Variants in CPSF2 observed in about 807,000 individuals in gnomAD.
The protein encoded by CPSF2 is cleavage and polyadenylation specificity factor subunit 2.
In CPSF2, 51 loss-of-function variants were observed where a neutral mutation model predicts 84.2. That is an observed-to-expected ratio of 0.61 (90% confidence interval 0.48 to 0.77). CPSF2 has a LOEUF of 0.77. Among genes scored for constraint, CPSF2 ranks in the 30% least tolerant of loss-of-function variants. The pLI is 0.00. For missense variants in CPSF2, 641 were observed against 929.4 expected (o/e 0.69, Z 4.03); for synonymous variants, 286 against 311.9 (o/e 0.92, Z 0.87).
At chr14:92,125,529 T>C (rs1220040223) in intron 1 of CPSF2, among the ~76,000 whole-genome samples, 2 of 152,080 alleles carry the variant, frequency 1.3e-5, no homozygotes, top group Non-Finnish European at 2.9e-5. Flanking sequence ...CACCAGCTAA[T>C]ATCCCCAAAA....
At chr14:92,141,368 G>T (rs1229531162) in intron 7 of CPSF2, among the ~76,000 whole-genome samples, 1 of 152,160 alleles carries the variant, frequency 6.6e-6, no homozygotes, top group Non-Finnish European at 1.5e-5. Context: ...GTCTTTCTCT[G>T]TTGTACATGC....
At chr14:92,135,003 C>T (rs558250963) in intron 5 of CPSF2, among the ~76,000 whole-genome samples, 4 of 152,176 alleles carry the variant, frequency 2.6e-5, no homozygotes, top group South Asian at 2.1e-4. Flanking sequence ...TTAGTTTAGA[C>T]GTTAGCAAAA....
chr14:92,132,051 C>T (rs909339553), intron 3 of CPSF2, among the ~76,000 whole-genome samples: 4 of 151,988 alleles, frequency 2.6e-5, no homozygotes, highest in Non-Finnish European at 5.9e-5. Flanking sequence ...GGTTACTATG[C>T]GAAAAAGCTG....
rs2068777016 is a variant in CPSF2, at chr14:92,122,127, AGGCAAGTGAGGGC to A, written c.-94+2_-94+14del. The A allele has an allele frequency of 5.2e-6, 2 of 383,894 alleles. No homozygotes were observed. Among genetic ancestry groups the A allele is most frequent in the South Asian group, 4.6e-5 (2 of 43,880 alleles). 23.8% of individuals were successfully genotyped at this position (383,894 alleles called of 1,614,324 possible). On this transcript the variant is annotated splice_donor_variant and splice_donor_5th_base_variant and 5_prime_UTR_variant and intron_variant, in exon 1 of 16. Transcript: ENST00000298875. LOFTEE classifies it low-confidence loss of function (5UTR_SPLICE). ...GGACGGCGTTGGGGGAGGCCTGACG[AGGCAAGTGAGGGC>A]GGGAGAAAGGAGCGAGCCTCGGGCT...
chr14:92,138,755 C>T (rs761376113), intron 7 of CPSF2, among the ~76,000 whole-genome samples: 5 of 152,054 alleles, frequency 3.3e-5, no homozygotes, highest in African/African-American at 7.2e-5. Flanking sequence ...TTAATGCATA[C>T]GTTGCACAGT....
chr14:92,156,872 A>G (rs1341759761), intron 12 of CPSF2, among the ~76,000 whole-genome samples: 5 of 152,174 alleles, frequency 3.3e-5, no homozygotes, highest in Admixed American at 3.3e-4. Context: ...CTTAAATTGT[A>G]ACATTAAATT....
intron 14 of CPSF2, among the ~76,000 whole-genome samples, chr14:92,159,545 G>A (rs566015768): frequency 1.3e-5 from 2 of 152,236 alleles, no homozygotes; most frequent in Admixed American, 6.5e-5. Context: ...CAGAAACCTA[G>A]TCGGCATGGT....
At chr14:92,131,511 A>G (rs1011781848) in intron 3 of CPSF2, among the ~76,000 whole-genome samples, 2 of 152,166 alleles carry the variant, frequency 1.3e-5, no homozygotes, top group Non-Finnish European at 2.9e-5. Context: ...GCTGGTTCTC[A>G]GAATGACCAT....
In CPSF2 at chr14:92,159,176, T is replaced by TTA. The variant is rs1483769438; in HGVS notation, c.2018_2019dup (p.Ala674Ter). ...GTGGAAGCTCCCTCAGATTCTAGCG[T>TTA]TATAGCACAACAAAAGGCCATGAAA... On this transcript the variant is annotated frameshift_variant, in exon 14 of 16. Transcript: ENST00000298875. LOFTEE classifies it high-confidence loss of function. The TTA allele has an allele frequency of 6.2e-7, 1 of 1,614,012 alleles. No individual in the cohort carries two copies. Among genetic ancestry groups the TTA allele is most frequent in the Non-Finnish European group, 8.5e-7 (1 of 1,179,962 alleles).
chr14:92,129,371 G>A (rs1043356829), intron 2 of CPSF2, among the ~76,000 whole-genome samples: 3 of 152,138 alleles, frequency 2.0e-5, no homozygotes, highest in Non-Finnish European at 2.9e-5. Context: ...CGTACACATC[G>A]TTGATAATTG....
At chr14:92,159,728 T>G (rs1228414591) in intron 14 of CPSF2, among the ~76,000 whole-genome samples, 4 of 152,178 alleles carry the variant, frequency 2.6e-5, no homozygotes, top group Non-Finnish European at 5.9e-5. Flanking sequence ...TTTGGAGTTT[T>G]TAAAAAAGAG....
At chr14:92,151,692 T>A (rs570358447) in intron 9 of CPSF2, among the ~76,000 whole-genome samples, 62 of 152,266 alleles carry the variant, frequency 4.1e-4, no homozygotes. Context: ...AATGTGAGAA[T>A]CCAGCTGTCT....
Position 92,167,643 on chromosome 14 carries a change from T to G in CPSF2, c.*5899T>G, listed in dbSNP as rs1259416114. 1 of 152,168 alleles carries G rather than the reference T, an allele frequency of 6.6e-6. No homozygotes were observed. The highest frequency in any genetic ancestry group is 1.5e-5 in the Non-Finnish European group (1 of 68,022). The allele number at this position is 152,168 out of a possible 1,614,324, so 9.4% of individuals were successfully genotyped here. ...AGTGATATGTTCAGTTTATCTTCTC[T>G]AAGAATGGCAGCTGTTATTTAGGAC... On this transcript the variant is annotated 3_prime_UTR_variant, in exon 16 of 16. Transcript: ENST00000298875.
At chr14:92,133,824 T>G (rs113813333) in intron 3 of CPSF2, among the ~76,000 whole-genome samples, 187 bp from the exon 4 acceptor site, 18 of 152,304 alleles carry the variant, frequency 1.2e-4, no homozygotes, top group African/African-American at 3.8e-4. Context: ...TTATACCACA[T>G]TTTTTGTAGC....
At chr14:92,155,063 A>G in intron 10 of CPSF2, 60 bp from the exon 11 acceptor site, 1 of 1,066,246 alleles carries the variant, frequency 9.4e-7, no homozygotes, top group East Asian at 2.6e-5. Flanking sequence ...AAATTGATAA[A>G]TATTAATTTA....
chr14:92,125,917 A>G (rs773855475), intron 1 of CPSF2, among the ~76,000 whole-genome samples: 1 of 151,984 alleles, frequency 6.6e-6, no homozygotes, highest in Non-Finnish European at 1.5e-5. Context: ...AAAACTTCCT[A>G]AATATTTTTA....
intron 1 of CPSF2, among the ~76,000 whole-genome samples, chr14:92,123,522 C>A (rs2068806488): frequency 6.6e-6 from 1 of 152,208 alleles, no homozygotes; most frequent in Non-Finnish European, 1.5e-5. Flanking sequence ...CCTCAGCCTC[C>A]CAAGTAGCTG....
At chr14:92,160,085 C>T (rs2069351886) in intron 14 of CPSF2, among the ~76,000 whole-genome samples, 1 of 152,148 alleles carries the variant, frequency 6.6e-6, no homozygotes, top group Non-Finnish European at 1.5e-5. Context: ...GCCTCAGCCT[C>T]CCAAGTAGCT....
intron 9 of CPSF2, among the ~76,000 whole-genome samples, chr14:92,152,719 A>G (rs1329718765): frequency 6.6e-6 from 1 of 152,204 alleles, no homozygotes; most frequent in Non-Finnish European, 1.5e-5. Context: ...GATTACAGGT[A>G]TAAGCCACCA....
Sources: allele counts gnomAD v4.1 joint callset (sites outside exome capture counted in the v4.1 genomes callset), GRCh38; gene constraint gnomAD v4.1.1; transcripts MANE v1.5; gene names NCBI Gene and HGNC (gene_info 2026-07-23, HGNC 2026-07-21).